Variants in ROBO1 observed in about 807,000 individuals in gnomAD.
ROBO1 encodes roundabout homolog 1.
In ROBO1, 149 loss-of-function variants were observed where a neutral mutation model predicts 195.9. The observed-to-expected ratio is 0.76, with a 90% CI of 0.67 to 0.87. The LOEUF is 0.87. Among genes scored for constraint, ROBO1 ranks in the 40% least tolerant of loss-of-function variants. The probability of loss-of-function intolerance (pLI) is 0.00; values close to 1 mark genes in which losing one functional copy is unlikely to be tolerated. For synonymous variants in ROBO1, 816 were observed against 733.2 expected, an observed-to-expected ratio of 1.11 and a Z score of -1.82; for missense variants, 1,933 against 2,068.3, an observed-to-expected ratio of 0.93 and a Z score of 1.27.
chr3:79,587,636 G>C (rs1301788059), intron 2 of ROBO1, among the ~76,000 whole-genome samples: 2 of 151,404 alleles, frequency 1.3e-5, no homozygotes, highest in East Asian at 3.9e-4. Context: ...TTTTTTAAAA[G>C]ACACTAATAT....
At chr3:79,175,176 G>A (rs1262276849) in intron 2 of ROBO1, among the ~76,000 whole-genome samples, 2 of 152,104 alleles carry the variant, frequency 1.3e-5, no homozygotes, top group African/African-American at 4.8e-5. Flanking sequence ...AAACCCCAAT[G>A]GGCTTAAACA....
chr3:78,785,757 A>G (rs1488990306), intron 4 of ROBO1, among the ~76,000 whole-genome samples: 1 of 152,186 alleles, frequency 6.6e-6, no homozygotes, highest in African/African-American at 2.4e-5. Context: ...GTAGAGTAAT[A>G]TAATGGTGCA....
chr3:79,582,355 G>T (rs1228957975), intron 2 of ROBO1, among the ~76,000 whole-genome samples: 1 of 151,466 alleles, frequency 6.6e-6, no homozygotes, highest in East Asian at 1.9e-4. Flanking sequence ...TAGAGATCAA[G>T]AACCTATCTG....
chr3:78,862,060 C>T (rs906697025), intron 4 of ROBO1, among the ~76,000 whole-genome samples: 1 of 152,050 alleles, frequency 6.6e-6, no homozygotes, highest in African/African-American at 2.4e-5. Flanking sequence ...GTTAAGGTTA[C>T]CGAACTTAAG....
At chr3:78,980,290 C>T (rs554818668) in intron 3 of ROBO1, among the ~76,000 whole-genome samples, 1 of 152,228 alleles carries the variant, frequency 6.6e-6, no homozygotes, top group Admixed American at 6.6e-5. Context: ...ATCACCACTC[C>T]TTGCCTCCTG....
chr3:79,320,998 C>G (rs1313735795), intron 2 of ROBO1, among the ~76,000 whole-genome samples: 1 of 152,112 alleles, frequency 6.6e-6, no homozygotes, highest in Non-Finnish European at 1.5e-5. Context: ...GTTGATTAAG[C>G]TAAACTTAAA....
chr3:79,204,707 G>A (rs1455825), intron 2 of ROBO1, among the ~76,000 whole-genome samples: 5,395 of 152,126 alleles, frequency 0.035, 329 homozygotes, highest in African/African-American at 0.12. Flanking sequence ...ATTTGGCATT[G>A]TCCAGCTTTC....
At chr3:79,680,613 G>C (rs542226192) in intron 1 of ROBO1, among the ~76,000 whole-genome samples, 1 of 151,926 alleles carries the variant, frequency 6.6e-6, no homozygotes, top group East Asian at 1.9e-4. Context: ...AGCTGGACTG[G>C]GTGTTTTTCA....
intron 2 of ROBO1, among the ~76,000 whole-genome samples, chr3:79,489,874 A>T (rs1306997514): frequency 6.6e-6 from 1 of 152,116 alleles, no homozygotes; most frequent in African/African-American, 2.4e-5. Context: ...TACAGTATTC[A>T]TAAGTGTATT....
At chr3:79,051,406 C>A (rs1188109299) in intron 3 of ROBO1, among the ~76,000 whole-genome samples, 2 of 152,100 alleles carry the variant, frequency 1.3e-5, no homozygotes, top group African/African-American at 4.8e-5. Flanking sequence ...GAACTTTAGG[C>A]AATAATTAAT....
At chr3:79,646,277 G>GTGT in intron 1 of ROBO1, among the ~76,000 whole-genome samples, 1 of 152,144 alleles carries the variant, frequency 6.6e-6, no homozygotes. Flanking sequence ...CTCAAAAGAA[G>GTGT]ACACACAAAT....
intron 18 of ROBO1, among the ~76,000 whole-genome samples, chr3:78,653,452 T>C (rs1706802882): frequency 6.6e-6 from 1 of 152,110 alleles, no homozygotes; most frequent in Non-Finnish European, 1.5e-5. Flanking sequence ...CAGTAGGAAC[T>C]CCCCAAAGGA....
At chr3:78,693,544 ATTAAT>A (rs749261120) in intron 8 of ROBO1, among the ~76,000 whole-genome samples, 1 of 152,198 alleles carries the variant, frequency 6.6e-6, no homozygotes, top group African/African-American at 2.4e-5. Context: ...TATAATCATG[ATTAAT>A]TTAAGAAAAA....
chr3:78,665,981 C>T (rs1305871909), intron 14 of ROBO1, among the ~76,000 whole-genome samples: 3 of 151,868 alleles, frequency 2.0e-5, no homozygotes, highest in South Asian at 2.1e-4. Flanking sequence ...CCATGTGTCA[C>T]GGGAGGGTCT....
Position 79,760,180 on chromosome 3 carries a change from T to A in ROBO1, c.-51+7572A>T, listed in dbSNP as rs201544463. Among the ~76,000 whole-genome samples, 41 of 126,030 alleles carry A rather than the reference T, an allele frequency of 3.3e-4. No homozygotes were observed. The East Asian group carries it at 9.7e-3, about 30-fold the overall frequency. The allele number at this position is 126,030 out of a possible 152,430, so 82.7% of individuals were successfully genotyped here. On this transcript the variant is annotated intron_variant, in intron 1 of 30. Transcript: ENST00000464233. Reference sequence around the variant, plus strand: ...TGAACCTAGGAGGCGGAGGTTGCAGTGAGCCGAGATCGCGCCACTGCACTC... The same window carrying A: ...TGAACCTAGGAGGCGGAGGTTGCAGAGAGCCGAGATCGCGCCACTGCACTC...
chr3:78,978,572 G>A (rs1029393124), intron 3 of ROBO1, among the ~76,000 whole-genome samples: 25 of 152,014 alleles, frequency 1.6e-4, no homozygotes, highest in African/African-American at 5.6e-4. Flanking sequence ...TAGAGAAACC[G>A]AGACTCAAAG....
At chr3:79,739,698 T>C (rs374851602) in intron 1 of ROBO1, among the ~76,000 whole-genome samples, 3 of 152,238 alleles carry the variant, frequency 2.0e-5, no homozygotes, top group East Asian at 3.9e-4. Flanking sequence ...TTGGAAGGTG[T>C]TCAAGAAATC....
chr3:79,691,135 C>T (rs1486844681), intron 1 of ROBO1, among the ~76,000 whole-genome samples: 2 of 151,782 alleles, frequency 1.3e-5, no homozygotes, highest in East Asian at 3.9e-4. Flanking sequence ...GAACAAGTCC[C>T]TGTATTTTAT....
At chr3:78,809,692 G>C (rs532018091) in intron 4 of ROBO1, among the ~76,000 whole-genome samples, 1 of 152,312 alleles carries the variant, frequency 6.6e-6, no homozygotes, top group African/African-American at 2.4e-5. Flanking sequence ...CCTTTGCAAG[G>C]ACATGGATGA....
Sources: allele counts gnomAD v4.1 joint callset (sites outside exome capture counted in the v4.1 genomes callset), GRCh38; gene constraint gnomAD v4.1.1; transcripts MANE v1.5; gene names NCBI Gene and HGNC (gene_info 2026-07-23, HGNC 2026-07-21).